The following PCDHA7 variants were observed in gnomAD, a reference collection of about 807,000 sequenced individuals.
PCDHA7 encodes the protein protocadherin alpha 7.
A neutral mutation model predicts 57.2 loss-of-function variants in PCDHA7; 37 were observed. The observed-to-expected ratio is 0.65, with a 90% confidence interval of 0.50 to 0.85. PCDHA7 has a LOEUF of 0.85. PCDHA7 is among the 40% of genes least tolerant of loss of function. The pLI, the probability that PCDHA7 is intolerant of heterozygous loss-of-function variation, is 0.00. For synonymous variants in PCDHA7, 553 were observed against 558.8 expected, an observed-to-expected ratio of 0.99 and a Z score of 0.15; for missense variants, 1,188 against 1,241.8, an observed-to-expected ratio of 0.96 and a Z score of 0.65.
At chr5:140,888,749 AC>A (rs1218374821) in intron 1 of PCDHA7, among the ~76,000 whole-genome samples, 1 of 151,232 alleles carries the variant, frequency 6.6e-6, no homozygotes, top group African/African-American at 2.4e-5. Context: ...GAATTATTCT[AC>A]CCACTTTTTT....
At chr5:141,004,705 C>T (rs535016776) in intron 3 of PCDHA7, among the ~76,000 whole-genome samples, 5 of 152,154 alleles carry the variant, frequency 3.3e-5, no homozygotes, top group Admixed American at 6.5e-5. Context: ...TTTTAGGTGC[C>T]GAATCAGAGG....
At chr5:140,862,775 A>C (rs1480702653) in intron 1 of PCDHA7, 4 of 576,960 alleles carry the variant, frequency 6.9e-6, no homozygotes, top group Non-Finnish European at 1.3e-5. Flanking sequence ...TACGCGTTGC[A>C]GCCACTGGAC....
At chr5:140,841,453 C>A (rs2150315811) in intron 1 of PCDHA7, 1 of 1,612,918 alleles carries the variant, frequency 6.2e-7, no homozygotes, top group South Asian at 1.1e-5. Flanking sequence ...ACGGCACCTT[C>A]GTGGGCCGGA....
At chr5:140,944,846 G>A (rs269554) in intron 1 of PCDHA7, among the ~76,000 whole-genome samples, 33,882 of 151,952 alleles carry the variant, frequency 0.22, 4,860 homozygotes, top group African/African-American at 0.41. Context: ...TGAGATATTA[G>A]AATCATCCTT....
At chr5:140,935,676 A>G (rs1168512325) in intron 1 of PCDHA7, among the ~76,000 whole-genome samples, 1 of 152,166 alleles carries the variant, frequency 6.6e-6, no homozygotes, top group Non-Finnish European at 1.5e-5. Context: ...TATGTGAAAT[A>G]TTTACATGGC....
chr5:140,902,756 C>A (rs1434955469), intron 1 of PCDHA7, among the ~76,000 whole-genome samples: 1 of 150,258 alleles, frequency 6.7e-6, no homozygotes, highest in Admixed American at 6.6e-5. Flanking sequence ...TTATATCATT[C>A]TTATGTCTTT....
intron 1 of PCDHA7, chr5:140,859,802 T>G (rs1318090519): frequency 6.6e-6 from 1 of 152,544 alleles, no homozygotes; most frequent in Non-Finnish European, 1.5e-5. Flanking sequence ...TTATAGATGC[T>G]AAGTTAATGC....
intron 1 of PCDHA7, among the ~76,000 whole-genome samples, chr5:140,890,175 A>G (rs1488442027): frequency 6.6e-6 from 1 of 152,158 alleles, no homozygotes; most frequent in Non-Finnish European, 1.5e-5. Context: ...GAAATAGGCA[A>G]ATGCTACAAA....
chr5:140,883,710 A>C (rs782592824), intron 1 of PCDHA7: 1 of 1,613,516 alleles, frequency 6.2e-7, no homozygotes, highest in South Asian at 1.1e-5. Context: ...TCTGCTCAGG[A>C]CGCGGACGCA....
intron 1 of PCDHA7, chr5:140,927,577 A>T: frequency 6.2e-7 from 1 of 1,614,170 alleles, no homozygotes; most frequent in Non-Finnish European, 8.5e-7. Flanking sequence ...CACAAATGAC[A>T]ACGCGCCTGT....
intron 1 of PCDHA7, chr5:140,855,887 CAA>C: frequency 1.0e-6 from 1 of 985,616 alleles, no homozygotes; most frequent in Non-Finnish European, 1.5e-6. Flanking sequence ...CTTTTTAGAA[CAA>C]AGGCATCAGC....
intron 1 of PCDHA7, chr5:140,849,278 G>A (rs1427040308): frequency 8.5e-7 from 1 of 1,179,884 alleles, no homozygotes; most frequent in Non-Finnish European, 1.2e-6. Context: ...GAACGCTGGT[G>A]ATTCACCCCA....
intron 1 of PCDHA7, among the ~76,000 whole-genome samples, chr5:140,917,013 A>G (rs565656440): frequency 2.6e-4 from 39 of 152,080 alleles, no homozygotes; most frequent in Non-Finnish European, 4.6e-4. Context: ...ATCTCCCTTC[A>G]TGTGCAGCTG....
intron 1 of PCDHA7, among the ~76,000 whole-genome samples, chr5:140,888,729 T>G (rs1214867910): frequency 6.6e-6 from 1 of 152,156 alleles, no homozygotes; most frequent in Admixed American, 6.5e-5. Context: ...CAGCCCTTTG[T>G]GAGCTCTAGG....
chr5:140,995,353 G>A lies in PCDHA7; in HGVS notation c.2503+12790G>A, dbSNP rs922727759. 8.5e-5 allele frequency among the ~76,000 whole-genome samples: 13 copies of A among 152,138 alleles called. 1 individual carries two copies. The highest frequency in any genetic ancestry group is 4.2e-4 in the South Asian group (2 of 4,804). ...GTAGTGTAGACGGCATGGATAGGTC[G>A]GACAGAGGGATGATTCACGTACTGG... On this transcript the variant is annotated intron_variant, in intron 3 of 3. Transcript: ENST00000525929.
intron 1 of PCDHA7, chr5:140,867,880 G>T (rs1562611394): frequency 6.6e-6 from 1 of 151,984 alleles, no homozygotes; most frequent in Non-Finnish European, 1.5e-5. Flanking sequence ...TATGTTTTAA[G>T]CACAATATCA....
chr5:140,861,377 G>T (rs2046888604), intron 1 of PCDHA7: 1 of 418,518 alleles, frequency 2.4e-6, no homozygotes, highest in South Asian at 2.0e-5. Context: ...TCCCTATTGC[G>T]CAGGACCTGG....
At chr5:140,918,331 G>A (rs1429617568) in intron 1 of PCDHA7, among the ~76,000 whole-genome samples, 1 of 152,114 alleles carries the variant, frequency 6.6e-6, no homozygotes, top group Non-Finnish European at 1.5e-5. Context: ...TATATTGTCT[G>A]CTAAGAGAGA....
intron 1 of PCDHA7, chr5:140,852,235 C>A: frequency 1.8e-6 from 1 of 570,324 alleles, no homozygotes; most frequent in Non-Finnish European, 2.3e-6. Flanking sequence ...TAAATTTTCC[C>A]TTAAAACACA....
Sources: gnomAD v4.1 joint callset for allele counts (sites outside exome capture counted in the v4.1 genomes callset) on GRCh38, gnomAD v4.1.1 for gene constraint, MANE v1.5 for transcripts, NCBI Gene and HGNC (gene_info 2026-07-23, HGNC 2026-07-21) for gene names.